The following SRL variants were observed in gnomAD, a reference collection of about 807,000 sequenced individuals.
SRL encodes the protein sarcalumenin.
A neutral mutation model predicts 39.5 loss-of-function variants in SRL; 23 were observed. That is an observed-to-expected ratio of 0.58 (90% CI 0.42 to 0.82). SRL has a LOEUF of 0.82. Among genes scored for constraint, SRL ranks in the 40% least tolerant of loss-of-function variants. SRL has a pLI of 0.00. For synonymous variants in SRL, 272 were observed against 237.4 expected (o/e 1.15, Z -1.34); for missense variants, 592 against 607.8 (o/e 0.97, Z 0.27).
intron 1 of SRL, among the ~76,000 whole-genome samples, chr16:4,229,901 G>A (rs1033911359): frequency 6.6e-5 from 10 of 152,120 alleles, no homozygotes; most frequent in Admixed American, 2.0e-4. Context: ...AGGGGACTGC[G>A]TGCTGGGGCC....
At chr16:4,241,927 C>T in intron 1 of SRL, 80 bp downstream of exon 1, 1 of 1,535,592 alleles carries the variant, frequency 6.5e-7, no homozygotes, top group Non-Finnish European at 9.0e-7. Context: ...CGACCCCCTA[C>T]CCAACCCATG....
At chr16:4,214,482 G>C (rs141286133) in intron 1 of SRL, among the ~76,000 whole-genome samples, 84 of 152,312 alleles carry the variant, frequency 5.5e-4, no homozygotes, top group Non-Finnish European at 6.0e-4. Flanking sequence ...CAGAGAGTGA[G>C]GAGCACCAGC....
chr16:4,207,824 C>T (rs1291990964), intron 1 of SRL: 1 of 456,452 alleles, frequency 2.2e-6, no homozygotes, highest in Non-Finnish European at 4.4e-6. Context: ...CCGCAGCGTC[C>T]CTGTCGTCCC....
chr16:4,212,246 T>C (rs964546001), intron 1 of SRL, among the ~76,000 whole-genome samples: 3 of 152,208 alleles, frequency 2.0e-5, no homozygotes, highest in Admixed American at 6.5e-5. Context: ...AATGGCTTCT[T>C]ACACTGTGAC....
chr16:4,228,109 G>A (rs553570767), intron 1 of SRL, among the ~76,000 whole-genome samples: 12 of 152,330 alleles, frequency 7.9e-5, no homozygotes, highest in Non-Finnish European at 1.6e-4. Flanking sequence ...TGGGATTCCT[G>A]GACCGGGCCT....
At chr16:4,210,876 T>A (rs562832642) in intron 1 of SRL, among the ~76,000 whole-genome samples, 1 of 152,200 alleles carries the variant, frequency 6.6e-6, no homozygotes, top group South Asian at 2.1e-4. Context: ...TTGGGCCATG[T>A]GACTTCAGAG....
At chr16:4,213,776 A>T (rs2052423551) in intron 1 of SRL, among the ~76,000 whole-genome samples, 1 of 151,784 alleles carries the variant, frequency 6.6e-6, no homozygotes, top group Non-Finnish European at 1.5e-5. Flanking sequence ...CTCACGTAGG[A>T]CTCCATCTTT....
intron 5 of SRL, among the ~76,000 whole-genome samples, chr16:4,193,429 G>A (rs990445385): frequency 6.6e-6 from 1 of 152,202 alleles, no homozygotes; most frequent in Non-Finnish European, 1.5e-5. Flanking sequence ...AGGATCTGGG[G>A]CAATGGCAAA....
At chr16:4,209,959 C>T (rs1026364989) in intron 1 of SRL, among the ~76,000 whole-genome samples, 3 of 152,178 alleles carry the variant, frequency 2.0e-5, no homozygotes, top group African/African-American at 7.2e-5. Flanking sequence ...CCCCTTCCTG[C>T]TGGAATCTCA....
At position 4,238,822 on chromosome 16, in the gene SRL, T is replaced by C. The variant is rs543660123; in HGVS notation, c.61+3185A>G. On this transcript the variant is annotated intron_variant, in intron 1 of 5. Transcript: ENST00000399609. ...TTTTTTTAGAGACAGGGTCTCACTATGTTGTCCAGACTGGTCTCAAATTCT... is the reference window on the plus strand; with the variant it reads ...TTTTTTTAGAGACAGGGTCTCACTACGTTGTCCAGACTGGTCTCAAATTCT... Among the ~76,000 whole-genome samples, 9 of 151,810 alleles carry C rather than the reference T, an allele frequency of 5.9e-5. No individual in the cohort carries two copies. The South Asian group carries it at 1.3e-3, about 21-fold the overall frequency.
intron 1 of SRL, among the ~76,000 whole-genome samples, chr16:4,218,312 A>G (rs2386884): frequency 0.14 from 21,224 of 152,128 alleles, 2,716 homozygotes; most frequent in African/African-American, 0.34. Flanking sequence ...ATGGGAGGGA[A>G]GCCCTTTCCG....
intron 5 of SRL, among the ~76,000 whole-genome samples, chr16:4,193,319 C>A (rs1024735363): frequency 3.9e-5 from 6 of 152,188 alleles, no homozygotes; most frequent in African/African-American, 1.4e-4. Context: ...AGGCGTGAGC[C>A]ACCATGCCCC....
rs9932277 is a variant in SRL, at chr16:4,206,968, C to T, written c.62-2334G>A. 1,524 of 455,328 alleles carry T rather than the reference C, an allele frequency of 3.3e-3. 20 individuals carry two copies. The highest frequency in any genetic ancestry group is 0.028 in the African/African-American group (1,369 of 49,762). The allele number at this position is 455,328 out of a possible 1,614,324, so 28.2% of individuals were successfully genotyped here. The stretch of plus-strand genomic sequence containing the variant: ...GGATCCCCACCTTCCTGGGGCTCCC[C>T]GCCTTCCTGTGGCGCTCCACCTTCC... On this transcript the variant is annotated intron_variant, in intron 1 of 5. Transcript: ENST00000399609.
chr16:4,202,592 CA>C lies in SRL; in HGVS notation c.259+573del, dbSNP rs59918885. On this transcript the variant is annotated intron_variant, in intron 3 of 5. Transcript: ENST00000399609. Reference sequence around the variant, plus strand: ...TGAGTGACAGAGCGAGACTCCATCTCAAAAAAAAAAAAGCTGGAGGTCAAGA... The same window carrying C: ...TGAGTGACAGAGCGAGACTCCATCTCAAAAAAAAAAAGCTGGAGGTCAAGA... Among the ~76,000 whole-genome samples, 166 of 139,948 alleles carry C rather than the reference CA, an allele frequency of 1.2e-3. 1 individual carries two copies. Among genetic ancestry groups the C allele is most frequent in the East Asian group, 1.3e-3 (6 of 4,772 alleles). 91.8% of individuals were successfully genotyped at this position (139,948 alleles called of 152,430 possible).
rs1597262870 is a variant in SRL at position 4,192,424 on chromosome 16, A to G, written c.1151T>C (p.Ile384Thr). 1.2e-6 allele frequency: 2 copies of G among 1,614,186 alleles called. No individual in the cohort carries two copies. The highest frequency in any genetic ancestry group is 1.7e-6 in the Non-Finnish European group (2 of 1,180,046). Residue 384 changes from isoleucine (I) to threonine (T), a missense_variant, in exon 6 of 6, where the codon ATC becomes ACC. Physicochemically the swap from Ile to Thr is moderately conservative, Grantham distance 89. Coordinates refer to ENST00000399609, the MANE Select transcript of SRL (RefSeq NM_001098814.2). The surrounding 1 kb of genome is among the most constrained non-coding windows in gnomAD (Gnocchi z 4.0). The stretch of plus-strand genomic sequence containing the variant: ...TTTGCTGACATTGGTCTTTGCCAGG[A>G]TGGTCTTGAAGATGTAGAATTTATC... ...DPDKFYIFKT[I>T]LAKTNVSKFD...
At chr16:4,226,583 G>A (rs2052591893) in intron 1 of SRL, among the ~76,000 whole-genome samples, 1 of 151,088 alleles carries the variant, frequency 6.6e-6, no homozygotes, top group African/African-American at 2.4e-5. Context: ...AGATGAATGG[G>A]TGAATGGACA....
chr16:4,224,934 C>A (rs1273621386), intron 1 of SRL, among the ~76,000 whole-genome samples: 3 of 152,136 alleles, frequency 2.0e-5, no homozygotes, highest in Admixed American at 1.3e-4. Flanking sequence ...AGCGCTTCCA[C>A]CTGCTACAAC....
intron 1 of SRL, chr16:4,207,197 T>C: frequency 2.2e-6 from 1 of 457,042 alleles, no homozygotes. Context: ...AGGGAACTCC[T>C]CCTTCTTCCT....
At position 4,238,638 on chromosome 16, in the gene SRL, T is replaced by C. The variant is rs1417296172; in HGVS notation, c.61+3369A>G. 2.6e-5 allele frequency among the ~76,000 whole-genome samples: 4 copies of C among 151,626 alleles called. No homozygotes were observed. The East Asian group carries it at 5.8e-4, about 22-fold the overall frequency. On this transcript the variant is annotated intron_variant, in intron 1 of 5. Transcript: ENST00000399609. Reference sequence around the variant, plus strand: ...CCCGGTGCCACTTTTTTTTTTTTTTTCCTTGAGACAAGGTCTCGCTCTGTC... The same window carrying C: ...CCCGGTGCCACTTTTTTTTTTTTTTCCCTTGAGACAAGGTCTCGCTCTGTC...
Sources: allele counts gnomAD v4.1 joint callset (sites outside exome capture counted in the v4.1 genomes callset), GRCh38; gene constraint gnomAD v4.1.1; non-coding constraint Gnocchi (gnomAD v3.1); transcripts MANE v1.5; gene names NCBI Gene and HGNC (gene_info 2026-07-23, HGNC 2026-07-21).